Variants in DACH2 observed in about 807,000 individuals in gnomAD.
DACH2 encodes the protein dachshund family transcription factor 2.
A neutral mutation model predicts 35.8 loss-of-function variants in DACH2; 17 were observed. The observed-to-expected ratio is 0.48, with a 90% CI of 0.33 to 0.71. The LOEUF (loss-of-function observed/expected upper bound fraction) is 0.71, where lower values mean the gene tolerates loss of function less well. DACH2 is among the 30% of genes least tolerant of loss of function. DACH2 has a pLI of 0.02. For missense variants in DACH2, 469 were observed against 472.7 expected, an observed-to-expected ratio of 0.99 and a Z score of 0.07; for synonymous variants, 195 against 177.3, an observed-to-expected ratio of 1.10 and a Z score of -0.79.
At chrX:86,210,620 G>C (rs1318834228) in intron 1 of DACH2, among the ~76,000 whole-genome samples, 2 of 111,678 alleles carry the variant, frequency 1.8e-5, no homozygotes, top group Non-Finnish European at 3.8e-5. Flanking sequence ...GGTTTTTGCT[G>C]ATTTTTAGTT....
Position 86,637,721 on chromosome X carries a change from T to C in DACH2, c.641-13315T>C, listed in dbSNP as rs183973624. 1.5e-4 allele frequency among the ~76,000 whole-genome samples: 17 copies of C among 110,526 alleles called. No homozygotes were observed. The East Asian group carries it at 3.7e-3, about 24-fold the overall frequency. Reference sequence around the variant, plus strand: ...GAGAAACTACACATACTGGGGCCTATTAGAGAGTGGAGCTTGGGAGGAGGA... The same window carrying C: ...GAGAAACTACACATACTGGGGCCTACTAGAGAGTGGAGCTTGGGAGGAGGA... On this transcript the variant is annotated intron_variant, in intron 3 of 11. Transcript: ENST00000373125.
intron 1 of DACH2, among the ~76,000 whole-genome samples, chrX:86,348,778 T>C (rs1259048883): frequency 8.9e-6 from 1 of 112,699 alleles, no homozygotes; most frequent in Non-Finnish European, 1.9e-5. Flanking sequence ...GTTTTTGTCA[T>C]TATAAGTGAA....
chrX:86,680,886 T>G (rs2040874030), intron 4 of DACH2, among the ~76,000 whole-genome samples: 1 of 110,567 alleles, frequency 9.0e-6, no homozygotes. Context: ...CCCCTTGGCC[T>G]TAAGCAATCC....
chrX:86,656,845 A>ATGTG lies in DACH2; in HGVS notation c.772+5688_772+5691dup, dbSNP rs200143799. 1.1e-3 allele frequency among the ~76,000 whole-genome samples: 83 copies of ATGTG among 78,514 alleles called. 2 individuals are homozygous for ATGTG. Among genetic ancestry groups the ATGTG allele is most frequent in the African/African-American group, 4.0e-3 (79 of 19,661 alleles). The allele number at this position is 78,514 out of a possible 115,157, so 68.2% of individuals were successfully genotyped here. A position where few individuals can be genotyped will look rare whatever the true frequency, so the allele number is the denominator to read the frequency against. Reference sequence around the variant, plus strand: ...AATACATACATATGTATTAAAATACATGTGTGTGTGTGTATATATATATAT... The same window carrying ATGTG: ...AATACATACATATGTATTAAAATACATGTGTGTGTGTGTGTGTATATATATATAT... On this transcript the variant is annotated intron_variant, in intron 4 of 11. Coordinates refer to ENST00000373125, the MANE Select transcript of DACH2 (RefSeq NM_053281.3).
In DACH2 at chrX:86,813,188, A is replaced by G. The variant is rs183307911; in HGVS notation, c.1448A>G (p.Glu483Gly). 4.1e-6 allele frequency: 5 copies of G among 1,205,672 alleles called. No homozygotes were observed. In the Admixed American group the frequency reaches 1.1e-4, roughly 27 times the overall value. The change falls in exon 9 of 12, where the codon GAA becomes GGA. Residue 483 changes from glutamate to glycine, a missense_variant. Glu to Gly is a moderately conservative substitution (Grantham distance 98, BLOSUM62 -2). Transcript: ENST00000373125. ...ARIQEKQIQQ[E>G]KKELRLELYR... ...ATCCAGGAGAAGCAGATTCAACAAGAAAAGAAGGAGCTGCGACTGGAGCTC... is the reference window on the plus strand; with the variant it reads ...ATCCAGGAGAAGCAGATTCAACAAGGAAAGAAGGAGCTGCGACTGGAGCTC...
At chrX:86,380,819 T>C (rs1482795046) in intron 2 of DACH2, among the ~76,000 whole-genome samples, 2 of 110,738 alleles carry the variant, frequency 1.8e-5, no homozygotes, top group Non-Finnish European at 3.8e-5. Context: ...TTTTGTGTTT[T>C]TTTAATTTTT....
At chrX:86,516,470 C>A (rs2038469038) in intron 3 of DACH2, among the ~76,000 whole-genome samples, 2 of 111,545 alleles carry the variant, frequency 1.8e-5, no homozygotes, top group Admixed American at 9.5e-5. Context: ...TTTATATATA[C>A]TTCATTTAAT....
chrX:86,550,531 A>T (rs2039034591), intron 3 of DACH2, among the ~76,000 whole-genome samples: 2 of 110,710 alleles, frequency 1.8e-5, no homozygotes, highest in Non-Finnish European at 3.8e-5. Flanking sequence ...GGCCACCAAA[A>T]GTCCTTTATT....
chrX:86,748,803 C>A (rs2041740884), intron 7 of DACH2, among the ~76,000 whole-genome samples: 1 of 111,689 alleles, frequency 9.0e-6, no homozygotes, highest in South Asian at 3.7e-4. Context: ...TCTTCTCTAG[C>A]TATGATAGTC....
intron 1 of DACH2, among the ~76,000 whole-genome samples, chrX:86,235,907 G>A (rs1360259430): frequency 1.8e-5 from 2 of 111,801 alleles, no homozygotes; most frequent in Non-Finnish European, 3.8e-5. Flanking sequence ...GCCAAGGTGG[G>A]TAGATTACCT....
Position 86,296,153 on chromosome X carries a change from G to A in DACH2, c.489-80671G>A, listed in dbSNP as rs764194276. Reference sequence around the variant, plus strand: ...TCAGCACTTTGGGAGGCCGAGGCGGGCGGATCACGAGGTCAGGAGATCGAG... The same window carrying A: ...TCAGCACTTTGGGAGGCCGAGGCGGACGGATCACGAGGTCAGGAGATCGAG... On this transcript the variant is annotated intron_variant, in intron 1 of 11. Transcript: ENST00000373125. 2.5e-4 allele frequency among the ~76,000 whole-genome samples: 27 copies of A among 107,529 alleles called. No homozygotes were observed. The Admixed American group carries it at 2.7e-3, about 11-fold the overall frequency. 93.4% of individuals were successfully genotyped at this position (107,529 alleles called of 115,157 possible).
chrX:86,581,995 A>T (rs1050715469), intron 3 of DACH2, among the ~76,000 whole-genome samples: 2 of 111,993 alleles, frequency 1.8e-5, no homozygotes, highest in African/African-American at 6.5e-5. Context: ...AGTTCAAAAC[A>T]GAAATTATGC....
At chrX:86,661,698 C>T (rs1041901181) in intron 4 of DACH2, among the ~76,000 whole-genome samples, 1 of 112,040 alleles carries the variant, frequency 8.9e-6, no homozygotes, top group African/African-American at 3.2e-5. Context: ...GGGATATATA[C>T]CAAGGAGTAG....
At chrX:86,444,377 A>G (rs1048820489) in intron 2 of DACH2, among the ~76,000 whole-genome samples, 2 of 111,957 alleles carry the variant, frequency 1.8e-5, no homozygotes, top group African/African-American at 6.5e-5. Flanking sequence ...GGCTTGAGCC[A>G]TCGTGTGTGG....
chrX:86,662,315 G>T (rs1166795525), intron 4 of DACH2, among the ~76,000 whole-genome samples: 1 of 111,753 alleles, frequency 8.9e-6, no homozygotes, highest in Non-Finnish European at 1.9e-5. Context: ...TACTTCAAAA[G>T]GTGGGAGGTG....
intron 7 of DACH2, among the ~76,000 whole-genome samples, chrX:86,807,448 G>T (rs764927562): frequency 1.8e-5 from 2 of 111,649 alleles, no homozygotes; most frequent in African/African-American, 6.5e-5. Flanking sequence ...CTTTCCCAGG[G>T]TTCTACAAAT....
chrX:86,294,898 G>T (rs1446260149), intron 1 of DACH2, among the ~76,000 whole-genome samples: 1 of 110,523 alleles, frequency 9.0e-6, no homozygotes, highest in Non-Finnish European at 1.9e-5. Context: ...TGCCCCCAGA[G>T]GTGGAGCCTA....
chrX:86,169,458 T>C (rs999783506), intron 1 of DACH2, among the ~76,000 whole-genome samples: 5 of 111,652 alleles, frequency 4.5e-5, no homozygotes, highest in African/African-American at 1.6e-4. Context: ...TTCTCCATTA[T>C]CTTTTTGAAT....
At chrX:86,169,563 A>T (rs73512034) in intron 1 of DACH2, among the ~76,000 whole-genome samples, 7,766 of 110,069 alleles carry the variant, frequency 0.071, 678 homozygotes, top group African/African-American at 0.24. Flanking sequence ...TCCAGTAGGT[A>T]TGCTTCATTG....
Sources: allele counts gnomAD v4.1 joint callset (sites outside exome capture counted in the v4.1 genomes callset), GRCh38; gene constraint gnomAD v4.1.1; transcripts MANE v1.5; gene names NCBI Gene and HGNC (gene_info 2026-07-23, HGNC 2026-07-21).